GABRP: variants seen among roughly 807,000 people sequenced by gnomAD.
The protein encoded by GABRP is gamma-aminobutyric acid type A receptor subunit pi.
GABRP carries 52 observed loss-of-function variants against 47.8 expected under a neutral mutation model. That is an observed-to-expected ratio of 1.09 (90% CI 0.87 to 1.37). The LOEUF is 1.37. GABRP is among the 40% of genes most tolerant of loss of function. GABRP has a pLI of 0.00. For synonymous variants in GABRP, 221 were observed against 205.8 expected, an observed-to-expected ratio of 1.07 and a Z score of -0.63; for missense variants, 525 against 542.8, an observed-to-expected ratio of 0.97 and a Z score of 0.33.
intron 3 of GABRP, among the ~76,000 whole-genome samples, chr5:170,789,833 T>C: frequency 6.6e-6 from 1 of 152,158 alleles, no homozygotes; most frequent in East Asian, 1.9e-4. Flanking sequence ...CTCTCCTGCC[T>C]CTATGCCTTT....
rs931073886 is a variant in GABRP, at chr5:170,811,848, G to A, written c.1021-108G>A. ...AGCACTCAATGCCACTCTCTATTAA[G>A]CCTAATTATTCAACACTTAGGCCTC... On this transcript the variant is annotated intron_variant, in intron 9 of 9. Coordinates refer to ENST00000265294, the MANE Select transcript of GABRP (RefSeq NM_014211.3). 23 of 1,021,256 alleles carry A rather than the reference G, an allele frequency of 2.3e-5. No homozygotes were observed. In the East Asian group the frequency reaches 4.4e-4, roughly 19 times the overall value. 63.3% of individuals were successfully genotyped at this position (1,021,256 alleles called of 1,614,324 possible). A position where few individuals can be genotyped will look rare whatever the true frequency, so the allele number is the denominator to read the frequency against.
Position 170,812,250 on chromosome 5 carries a change from T to C in GABRP, c.1315T>C (p.Tyr439His), listed in dbSNP as rs1765911541. The C allele has an allele frequency of 6.2e-7, 1 of 1,608,638 alleles. No individual in the cohort carries two copies. Residue 439 changes from tyrosine (Y) to histidine (H), a missense_variant, in exon 10 of 10, where the codon TAT becomes CAT. Tyr to His is a moderately conservative substitution (Grantham distance 83). Coordinates refer to ENST00000265294, the MANE Select transcript of GABRP (RefSeq NM_014211.3). ...ANVFYWAYYM[Y>H]F ...TGTATTTTACTGGGCATACTACATGTATTTTTGAGTCAATGTTAAATTTCT... is the reference window on the plus strand; with the variant it reads ...TGTATTTTACTGGGCATACTACATGCATTTTTGAGTCAATGTTAAATTTCT...
At chr5:170,789,772 C>T (rs1473413050) in intron 3 of GABRP, among the ~76,000 whole-genome samples, 1 of 152,176 alleles carries the variant, frequency 6.6e-6, no homozygotes, top group Non-Finnish European at 1.5e-5. Context: ...CGCTCCTTCC[C>T]CTCCTACAAT....
intron 3 of GABRP, among the ~76,000 whole-genome samples, chr5:170,791,021 A>C (rs763235777): frequency 6.6e-6 from 1 of 152,212 alleles, no homozygotes; most frequent in Non-Finnish European, 1.5e-5. Flanking sequence ...CCTACTGAAC[A>C]CGTATGACAA....
At position 170,808,591 on chromosome 5, in the gene GABRP, C is replaced by A; in HGVS notation, c.680-9C>A. 2 of 1,612,348 alleles carry A rather than the reference C, an allele frequency of 1.2e-6. No homozygotes were observed. Among genetic ancestry groups the A allele is most frequent in the Non-Finnish European group, 1.7e-6 (2 of 1,178,868 alleles). ...GACACAATTTCCTATCTGTTGTTTA[C>A]CCTTTCAGGAAATTACACTAGATTG... On this transcript the variant is annotated splice_polypyrimidine_tract_variant and intron_variant, in intron 7 of 9. Transcript: ENST00000265294.
At chr5:170,808,512 C>A in intron 7 of GABRP, 88 bp from the exon 8 acceptor site, 2 of 1,114,144 alleles carry the variant, frequency 1.8e-6, no homozygotes, top group South Asian at 1.5e-5. Flanking sequence ...TGACAGAGGG[C>A]TTAATGTACA....
intron 5 of GABRP, among the ~76,000 whole-genome samples, chr5:170,797,058 G>A (rs1372725266): frequency 6.6e-6 from 1 of 152,226 alleles, no homozygotes; most frequent in Admixed American, 6.5e-5. Flanking sequence ...CTGCCACTCA[G>A]AGCCACATGA....
chr5:170,790,780 A>G (rs968376948), intron 3 of GABRP, among the ~76,000 whole-genome samples: 15 of 152,148 alleles, frequency 9.9e-5, no homozygotes, highest in Non-Finnish European at 1.9e-4. Context: ...CCACTTTGAT[A>G]TCCCCACTGT....
intron 6 of GABRP, among the ~76,000 whole-genome samples, chr5:170,803,506 G>A (rs1418363388): frequency 2.6e-5 from 4 of 151,962 alleles, no homozygotes; most frequent in African/African-American, 4.8e-5. Context: ...ACTTATATAC[G>A]ATAAAATTCA....
At chr5:170,809,865 G>C (rs927938403) in intron 9 of GABRP, 110 bp downstream of exon 9, 10 of 1,000,316 alleles carry the variant, frequency 1.0e-5, no homozygotes, top group Non-Finnish European at 1.2e-5. Flanking sequence ...GTGATTCCCT[G>C]TGCTCCAGTG....
intron 6 of GABRP, among the ~76,000 whole-genome samples, chr5:170,802,601 T>C (rs1765624601): frequency 6.6e-6 from 1 of 152,212 alleles, no homozygotes; most frequent in Non-Finnish European, 1.5e-5. Context: ...TTACCTTCCG[T>C]GTATCGTGGC....
At chr5:170,798,963 G>T (rs1765513953) in intron 6 of GABRP, among the ~76,000 whole-genome samples, 1 of 113,484 alleles carries the variant, frequency 8.8e-6, no homozygotes, top group African/African-American at 3.6e-5. Context: ...CACCCTTCCT[G>T]TGTTCCCCTT....
intron 9 of GABRP, chr5:170,810,095 A>G (rs1765842926): frequency 2.2e-5 from 13 of 579,184 alleles, no homozygotes. Flanking sequence ...TTATATTAAT[A>G]TATATTTACT....
chr5:170,793,940 A>T (rs577920811), intron 3 of GABRP, among the ~76,000 whole-genome samples: 41 of 152,196 alleles, frequency 2.7e-4, no homozygotes, highest in African/African-American at 9.9e-4. Flanking sequence ...TGTCTCAAAA[A>T]TAATAATAAT....
intron 4 of GABRP, 33 bp downstream of exon 4, chr5:170,794,331 A>G: frequency 7.5e-7 from 1 of 1,330,462 alleles, no homozygotes; most frequent in Non-Finnish European, 1.1e-6. Context: ...CTACCCAAGT[A>G]GTCCCTCTCT....
chr5:170,788,796 C>A, intron 2 of GABRP, 128 bp downstream of exon 2: 1 of 844,076 alleles, frequency 1.2e-6, no homozygotes, highest in South Asian at 1.5e-5. Flanking sequence ...TTCCCTGGAG[C>A]ACCGAACAAT....
At chr5:170,783,358 G>A (rs894871140), upstream of GABRP, among the ~76,000 whole-genome samples, 1 of 152,174 alleles carries the variant, frequency 6.6e-6, no homozygotes, top group South Asian at 2.1e-4. Context: ...ATGGGAAGCT[G>A]AGGCCTAAGG....
At chr5:170,784,948 G>A (rs1419945195) in intron 1 of GABRP, among the ~76,000 whole-genome samples, 1 of 152,206 alleles carries the variant, frequency 6.6e-6, no homozygotes, top group Non-Finnish European at 1.5e-5. Context: ...CAGAAGGCTA[G>A]GTGGTTCCAG....
In GABRP at chr5:170,809,006, G is replaced by A. The variant is rs117738520; in HGVS notation, c.832+254G>A. On this transcript the variant is annotated intron_variant, in intron 8 of 9. Transcript: ENST00000265294. ...GGTTGGAGTGGACTGGCGTGATCTC[G>A]GCTCACTGCAACCTCTGCCTTCCAG... Among the ~76,000 whole-genome samples the A allele has an allele frequency of 9.7e-4, 148 of 151,948 alleles. 4 individuals are homozygous for A. The East Asian group carries it at 0.027, about 27-fold the overall frequency.
Sources: allele counts gnomAD v4.1 joint callset (sites outside exome capture counted in the v4.1 genomes callset), GRCh38; gene constraint gnomAD v4.1.1; transcripts MANE v1.5; gene names NCBI Gene and HGNC (gene_info 2026-07-23, HGNC 2026-07-21).